Variants in ADD2 observed in about 807,000 individuals in gnomAD.
ADD2 encodes adducin 2, also known as beta-adducin.
A neutral mutation model predicts 83.0 loss-of-function variants in ADD2; 23 were observed. The observed-to-expected ratio is 0.28, with a 90% CI of 0.20 to 0.39. The LOEUF is 0.39. Among genes scored for constraint, ADD2 ranks in the 10% least tolerant of loss-of-function variants. The pLI, the probability that ADD2 is intolerant of heterozygous loss-of-function variation, is 1.00. For synonymous variants in ADD2, 375 were observed against 375.4 expected (o/e 1.00, Z 0.01); for missense variants, 758 against 944.9 (o/e 0.80, Z 2.59).
chr2:70,761,732 T>C (rs1178097427), intron 1 of ADD2, among the ~76,000 whole-genome samples: 2 of 150,172 alleles, frequency 1.3e-5, no homozygotes, highest in Admixed American at 6.6e-5. Context: ...AGTGCAGTGG[T>C]GCAATCTCGG....
chr2:70,713,739 T>C (rs1553375883), intron 1 of ADD2, among the ~76,000 whole-genome samples: 1 of 152,124 alleles, frequency 6.6e-6, no homozygotes, highest in Non-Finnish European at 1.5e-5. Context: ...GCGGTTGCCC[T>C]GGCCTGGTGG....
chr2:70,692,382 G>C, intron 7 of ADD2, 21 bp downstream of exon 7: 1 of 1,517,428 alleles, frequency 6.6e-7, no homozygotes, highest in Non-Finnish European at 8.9e-7. Context: ...TCCTTGGGTG[G>C]CTGAGAAGGA....
Position 70,695,717 on chromosome 2 carries a change from TC to T in ADD2, c.555+3del. 1 of 1,613,764 alleles carries T rather than the reference TC, an allele frequency of 6.2e-7. No individual in the cohort carries two copies. On this transcript the variant is annotated splice_donor_region_variant and intron_variant, in intron 6 of 15. Transcript: ENST00000264436. ...AGTGGGCAGTGATGCTGGACTGTAC[TC>T]ACCAGGCTGGACGCTGTGACTTCAC... is the stretch of plus-strand genomic sequence containing the variant.
At chr2:70,716,497 C>T (rs11126290) in intron 1 of ADD2, among the ~76,000 whole-genome samples, 52,176 of 151,996 alleles carry the variant, frequency 0.34, 9,677 homozygotes, top group East Asian at 0.56. Context: ...ATCACTTTTA[C>T]TTGCCTCTTC....
intron 4 of ADD2, 58 bp downstream of exon 4, chr2:70,704,263 T>TGCCCCCCCCCCCCCACCCCCCCCCAACC: frequency 1.1e-6 from 1 of 913,238 alleles, no homozygotes; most frequent in Non-Finnish European, 1.7e-6. Flanking sequence ...CTCCCTCTCT[T>TGCCCCCCCCCCCCCACCCCCCCCCAACC]CCCCACCCCA....
intron 10 of ADD2, among the ~76,000 whole-genome samples, chr2:70,681,512 A>G (rs1310731680): frequency 6.6e-6 from 1 of 152,180 alleles, no homozygotes; most frequent in Non-Finnish European, 1.5e-5. Context: ...AGTGAGATTG[A>G]TTTGAGTCTG....
At chr2:70,704,263 T>TAGCC in intron 4 of ADD2, 58 bp downstream of exon 4, 1 of 913,238 alleles carries the variant, frequency 1.1e-6, no homozygotes, top group Non-Finnish European at 1.7e-6. Flanking sequence ...CTCCCTCTCT[T>TAGCC]CCCCACCCCA....
At chr2:70,729,452 C>G (rs1376996645) in intron 1 of ADD2, among the ~76,000 whole-genome samples, 3 of 152,062 alleles carry the variant, frequency 2.0e-5, no homozygotes, top group Non-Finnish European at 2.9e-5. Flanking sequence ...TTCTATTTAC[C>G]TTGTTAGGCC....
chr2:70,737,563 C>T (rs1406238267), intron 1 of ADD2, among the ~76,000 whole-genome samples: 9 of 98,556 alleles, frequency 9.1e-5, no homozygotes, highest in Admixed American at 1.6e-4. Flanking sequence ...CATCACACAC[C>T]GGGGCCTGTC....
intron 1 of ADD2, among the ~76,000 whole-genome samples, chr2:70,752,683 G>A (rs1479789205): frequency 6.6e-6 from 1 of 152,214 alleles, no homozygotes; most frequent in African/African-American, 2.4e-5. Context: ...ATGGGTTTGA[G>A]TAAAGAAATC....
intron 9 of ADD2, among the ~76,000 whole-genome samples, chr2:70,685,733 A>G (rs1475835412): frequency 6.6e-6 from 1 of 152,202 alleles, no homozygotes; most frequent in Non-Finnish European, 1.5e-5. Context: ...AATTTTGAGA[A>G]GCGCTATTCC....
Position 70,696,282 on chromosome 2 carries a change from A to C in ADD2, c.437T>G (p.Leu146Arg). The C allele has an allele frequency of 6.2e-7, 1 of 1,613,626 alleles. No individual in the cohort carries two copies. The stretch of plus-strand genomic sequence containing the variant: ...GTCACTCAGCTGGGCCCAGCCATAG[A>C]GGTCCAGGAGTCGGTAGACACTGCT... ...KISSVYRLLD[L>R]YGWAQLSDTY... is the part of the protein sequence containing the mutation. The change falls in exon 5 of 16, where the codon CTC becomes CGC. Residue 146 changes from leucine (L) to arginine (R), a missense_variant. This residue lies in a region of ADD2 where 10 missense variants were observed against 31.1 expected (regional missense o/e 0.32). Transcript: ENST00000264436.
intron 15 of ADD2, among the ~76,000 whole-genome samples, chr2:70,667,144 A>C (rs933157261): frequency 2.6e-5 from 4 of 152,194 alleles, no homozygotes; most frequent in Admixed American, 6.5e-5. Flanking sequence ...TCTTCTAAGA[A>C]GAACCTTTGA....
intron 1 of ADD2, among the ~76,000 whole-genome samples, chr2:70,749,838 G>A (rs192976882): frequency 3.7e-4 from 57 of 152,288 alleles, no homozygotes; most frequent in African/African-American, 1.3e-3. Flanking sequence ...ATAAGGAGTC[G>A]CTGCACCAGC....
intron 1 of ADD2, among the ~76,000 whole-genome samples, chr2:70,733,583 C>A (rs1035198019): frequency 6.6e-6 from 1 of 152,160 alleles, no homozygotes; most frequent in African/African-American, 2.4e-5. Context: ...GGAAGGAATG[C>A]TTTTGATGTA....
At chr2:70,749,453 A>G (rs1475987274) in intron 1 of ADD2, among the ~76,000 whole-genome samples, 3 of 152,154 alleles carry the variant, frequency 2.0e-5, no homozygotes, top group South Asian at 2.1e-4. Flanking sequence ...CCTGGTCACT[A>G]ATGCCAGGGG....
chr2:70,719,163 TG>T (rs1553376914), intron 1 of ADD2, among the ~76,000 whole-genome samples: 1 of 152,168 alleles, frequency 6.6e-6, no homozygotes, highest in African/African-American at 2.4e-5. Flanking sequence ...CAGCTGGTGG[TG>T]GGTCACCCAC....
chr2:70,765,490 T>C (rs1422325899), intron 1 of ADD2, among the ~76,000 whole-genome samples: 1 of 152,268 alleles, frequency 6.6e-6, no homozygotes, highest in African/African-American at 2.4e-5. Flanking sequence ...AGAGATTTCT[T>C]GATGAGTGTC....
intron 6 of ADD2, among the ~76,000 whole-genome samples, chr2:70,694,976 C>A (rs1187381994): frequency 3.3e-5 from 5 of 152,020 alleles, no homozygotes; most frequent in African/African-American, 1.2e-4. Flanking sequence ...AGCTGCTTAC[C>A]CTCCCTGGGC....
Sources: gnomAD v4.1 joint callset for allele counts (sites outside exome capture counted in the v4.1 genomes callset) on GRCh38, gnomAD v4.1.1 for gene constraint, gnomAD v4.1.1 regional missense constraint, MANE v1.5 for transcripts, NCBI Gene and HGNC (gene_info 2026-07-23, HGNC 2026-07-21) for gene names.